The following MGST1 variants were observed in gnomAD, a reference collection of about 807,000 sequenced individuals.
MGST1 encodes glutathione S-transferase 12.
Under a neutral mutation model 8.9 loss-of-function variants are expected in MGST1, and 5 were observed. The ratio of observed to expected loss-of-function variants is 0.56; its 90% confidence interval spans 0.29 to 1.19. MGST1 has a LOEUF of 1.19. Ranked by LOEUF, MGST1 falls within the 50% of genes most tolerant of loss-of-function variation. MGST1 has a pLI of 0.08. For synonymous variants in MGST1, 54 were observed against 67.8 expected (o/e 0.80, Z 1.00); for missense variants, 182 against 187.4 (o/e 0.97, Z 0.17).
downstream of MGST1, among the ~76,000 whole-genome samples, chr12:16,442,260 G>A (rs927391993): frequency 6.6e-6 from 1 of 151,588 alleles, no homozygotes; most frequent in Non-Finnish European, 1.5e-5. This position sits in a 1 kb window ranked among gnomAD's most constrained non-coding sequence, Gnocchi z 4.5. Flanking sequence ...CACAGAGTGT[G>A]GCTTGTCTTT....
intron 4 of MGST1, among the ~76,000 whole-genome samples, chr12:16,464,575 A>C (rs1941241861): frequency 6.6e-6 from 1 of 152,256 alleles, no homozygotes; most frequent in Non-Finnish European, 1.5e-5. Context: ...AGAATAAAGC[A>C]AACTAGCCTT....
At chr12:16,359,591 T>G (rs1235402616) in intron 3 of MGST1, among the ~76,000 whole-genome samples, 1 of 151,888 alleles carries the variant, frequency 6.6e-6, no homozygotes, top group Non-Finnish European at 1.5e-5. Flanking sequence ...AAAGGAAAAA[T>G]TATGTGTTAG....
At chr12:16,350,611 G>A (rs1484314492) in intron 1 of MGST1, 1 of 152,150 alleles carries the variant, frequency 6.6e-6, no homozygotes, top group African/African-American at 2.4e-5. Context: ...GTTTTGTGCA[G>A]CAAACTCGTG....
chr12:16,571,054 T>A (rs1942797550), intron 4 of MGST1, among the ~76,000 whole-genome samples: 1 of 152,088 alleles, frequency 6.6e-6, no homozygotes, highest in African/African-American at 2.4e-5. Context: ...TTTAAAAAAA[T>A]CTATTATCTA....
intron 4 of MGST1, among the ~76,000 whole-genome samples, chr12:16,451,258 T>C (rs1393975130): frequency 6.6e-6 from 1 of 151,794 alleles, no homozygotes; most frequent in Non-Finnish European, 1.5e-5. Context: ...ACTAAAGCAA[T>C]CTCCGAATAG....
At chr12:16,444,183 G>GTTTTTT (rs1161206533) in intron 4 of MGST1, among the ~76,000 whole-genome samples, 1 of 128,470 alleles carries the variant, frequency 7.8e-6, no homozygotes, top group African/African-American at 2.9e-5. Flanking sequence ...GGCTGATTTG[G>GTTTTTT]TTTTTTTTTT....
rs1192735724 is a variant in MGST1 at position 16,584,381 on chromosome 12, G to A, written n.483-5147G>A. Among the ~76,000 whole-genome samples, 1 of 152,146 alleles carries A rather than the reference G, an allele frequency of 6.6e-6. No individual in the cohort carries two copies. The highest frequency in any genetic ancestry group is 1.5e-5 in the Non-Finnish European group (1 of 68,028). On this transcript the variant is annotated intron_variant and non_coding_transcript_variant, in intron 4 of 4. Coordinates refer to the MGST1 transcript ENST00000538857. The surrounding 1 kb of genome is among the most constrained non-coding windows in gnomAD (Gnocchi z 5.2). ...GCAAGTTTCAGGTAAGGCAACAGAT[G>A]AAATTCAGTTAAAACAATATTTTGA...
exon 4 of MGST1, chr12:16,376,835 G>C (rs1940389104): frequency 6.6e-6 from 1 of 151,942 alleles, no homozygotes; most frequent in African/African-American, 2.4e-5. Context: ...CTGTATATTA[G>C]ATGATATTAT....
At chr12:16,489,905 A>T (rs1941427847) in intron 4 of MGST1, among the ~76,000 whole-genome samples, 1 of 152,118 alleles carries the variant, frequency 6.6e-6, no homozygotes, top group Admixed American at 6.6e-5. Flanking sequence ...ATACTTTCCA[A>T]CTTGGCTATG....
intron 4 of MGST1, among the ~76,000 whole-genome samples, chr12:16,449,252 G>T (rs1941109260): frequency 6.6e-6 from 1 of 151,834 alleles, no homozygotes; most frequent in Admixed American, 6.6e-5. Context: ...GTAAACGGGA[G>T]GTCAGTGTAT....
intron 1 of MGST1, among the ~76,000 whole-genome samples, chr12:16,431,951 T>G (rs1229972269): frequency 1.3e-5 from 2 of 152,218 alleles, no homozygotes; most frequent in Non-Finnish European, 2.9e-5. Context: ...TATTCTGTAT[T>G]ATTCCTATAG....
rs1940061258 is a variant in MGST1, at chr12:16,362,839, A to G, written c.222-956A>G. Reference sequence around the variant, plus strand: ...GGTGGTGAGGCCTGTAGTCCCAGCTACTCATGATGCTGAGACTCAGGAGTT... The same window carrying G: ...GGTGGTGAGGCCTGTAGTCCCAGCTGCTCATGATGCTGAGACTCAGGAGTT... On this transcript the variant is annotated intron_variant, in intron 3 of 3. Transcript: ENST00000396210. This position sits in a 1 kb window ranked among gnomAD's most constrained non-coding sequence, Gnocchi z 4.4. 6.6e-6 allele frequency: 1 copy of G among 151,994 alleles called. No homozygotes were observed. The highest frequency in any genetic ancestry group is 2.4e-5 in the African/African-American group (1 of 41,332). The allele number at this position is 151,994 out of a possible 1,614,324, so 9.4% of individuals were successfully genotyped here.
rs1490134483 is a variant in MGST1 at position 16,369,798 on chromosome 12, T to C, written c.222-6324T>C. 2 of 152,158 alleles carry C rather than the reference T, an allele frequency of 1.3e-5. No homozygotes were observed. Among genetic ancestry groups the C allele is most frequent in the African/African-American group, 2.4e-5 (1 of 41,434 alleles). The allele number at this position is 152,158 out of a possible 1,614,324, so 9.4% of individuals were successfully genotyped here. On this transcript the variant is annotated intron_variant, in intron 3 of 3. Coordinates refer to the MGST1 transcript ENST00000535309. The surrounding 1 kb of genome is among the most constrained non-coding windows in gnomAD (Gnocchi z 4.8). ...TTAGCCTGACTGTGCTATCACAGCATAGGAGCAAGACAGGAAATGGAACTG... is the reference window on the plus strand; with the variant it reads ...TTAGCCTGACTGTGCTATCACAGCACAGGAGCAAGACAGGAAATGGAACTG...
chr12:16,364,001 C>T lies in MGST1; in HGVS notation c.428C>T (p.Ser143Phe), dbSNP rs754813641. The change falls in exon 4 of 4, where the codon TCC becomes TTC. Residue 143 changes from serine to phenylalanine, a missense_variant. Physicochemically the swap from Ser to Phe is radical, Grantham distance 155. Coordinates refer to ENST00000396210, the MANE Select transcript of MGST1 (RefSeq NM_020300.5). The surrounding 1 kb of genome is among the most constrained non-coding windows in gnomAD (Gnocchi z 5.7). ...SFFVGYGVTL[S>F]MAYRLLKSKL... is the part of the protein sequence containing the mutation. ...TTTGTTGGATATGGAGTTACTCTTT[C>T]CATGGCTTACAGGTTGCTGAAAAGT... 2 of 1,613,432 alleles carry T rather than the reference C, an allele frequency of 1.2e-6. No individual in the cohort carries two copies. Among genetic ancestry groups the T allele is most frequent in the Non-Finnish European group, 1.7e-6 (2 of 1,179,588 alleles).
exon 2 of MGST1, chr12:16,437,393 G>A (rs192086101): frequency 4.6e-5 from 7 of 152,058 alleles, no homozygotes; most frequent in African/African-American, 1.7e-4. Context: ...TTCAGGTCTA[G>A]TGGCACTTGA....
In MGST1 at chr12:16,482,881, C is replaced by T. The variant is rs1941374083; in HGVS notation, n.482+99277C>T. 6.6e-6 allele frequency among the ~76,000 whole-genome samples: 1 copy of T among 152,132 alleles called. No individual in the cohort carries two copies. The highest frequency in any genetic ancestry group is 2.1e-4 in the South Asian group (1 of 4,824). On this transcript the variant is annotated intron_variant and non_coding_transcript_variant, in intron 4 of 4. Transcript: ENST00000538857. This position sits in a 1 kb window ranked among gnomAD's most constrained non-coding sequence, Gnocchi z 4.2. ...GCAGAGTAGTTTCAAGGTCTTGAAC[C>T]ACCAGTGCAGCTCCTTTATTGCAAC... is the stretch of plus-strand genomic sequence containing the variant.
exon 2 of MGST1, chr12:16,438,555 A>G (rs1384812146): frequency 6.6e-6 from 1 of 151,862 alleles, no homozygotes; most frequent in Non-Finnish European, 1.5e-5. Context: ...TATATGACCT[A>G]TTCCTGATGG....
chr12:16,498,625 T>C (rs1413705282), intron 4 of MGST1, among the ~76,000 whole-genome samples: 1 of 152,154 alleles, frequency 6.6e-6, no homozygotes, highest in East Asian at 1.9e-4. Context: ...AGGCTAATCA[T>C]CTCATTCTTT....
At chr12:16,463,570 C>T (rs2137127405) in intron 4 of MGST1, among the ~76,000 whole-genome samples, 1 of 149,314 alleles carries the variant, frequency 6.7e-6, no homozygotes, top group East Asian at 2.0e-4. Flanking sequence ...ACATCTGGCA[C>T]ATGTACCCGT....
Sources: gnomAD v4.1 joint callset for allele counts (sites outside exome capture counted in the v4.1 genomes callset) on GRCh38, gnomAD v4.1.1 for gene constraint, Gnocchi (gnomAD v3.1) non-coding constraint, MANE v1.5 for transcripts, NCBI Gene and HGNC (gene_info 2026-07-23, HGNC 2026-07-21) for gene names.